FHOD3: variants seen among roughly 807,000 people sequenced by gnomAD.
The protein encoded by FHOD3 is FH1/FH2 domain-containing protein 3.
FHOD3 carries 90 observed loss-of-function variants against 173.0 expected under a neutral mutation model. The ratio of observed to expected loss-of-function variants is 0.52; its 90% CI spans 0.44 to 0.62. The LOEUF is 0.62. FHOD3 is among the 20% of genes least tolerant of loss of function. The probability of loss-of-function intolerance (pLI) is 0.00; values close to 1 mark genes in which losing one functional copy is unlikely to be tolerated. For missense variants in FHOD3, 1,945 were observed against 2,034.7 expected (o/e 0.96, Z 0.85); for synonymous variants, 828 against 823.0 (o/e 1.01, Z -0.10).
chr18:36,724,963 C>A (rs2040982495), intron 19 of FHOD3, among the ~76,000 whole-genome samples: 1 of 152,246 alleles, frequency 6.6e-6, no homozygotes, highest in African/African-American at 2.4e-5. Context: ...AAGCAAGGTC[C>A]TCTCTTTCCT....
intron 3 of FHOD3, among the ~76,000 whole-genome samples, chr18:36,437,665 CTT>C (rs1555704498): frequency 2.2e-4 from 15 of 69,424 alleles, no homozygotes; most frequent in Admixed American, 7.3e-4. Flanking sequence ...TTCTTTCTTT[CTT>C]TTTTTTTTTT....
chr18:36,673,517 A>C (rs571008202), intron 14 of FHOD3, among the ~76,000 whole-genome samples: 1 of 152,278 alleles, frequency 6.6e-6, no homozygotes, highest in African/African-American at 2.4e-5. Context: ...TGAGTAAAGT[A>C]TTCCTAATCA....
chr18:36,482,664 G>A (rs1205899188), intron 3 of FHOD3, among the ~76,000 whole-genome samples: 2 of 152,032 alleles, frequency 1.3e-5, no homozygotes, highest in African/African-American at 4.8e-5. Flanking sequence ...AGGACTTTTT[G>A]GTTTGTCCTG....
At position 36,728,775 on chromosome 18, in the gene FHOD3, T is replaced by G. The variant is rs73949883; in HGVS notation, c.3418-1871T>G. ...AGCAGAACAGTTTCTCTAGATGGCT[T>G]GGCTGCTCCCAGCCCTAGCCAGGGC... is the stretch of plus-strand genomic sequence containing the variant. On this transcript the variant is annotated intron_variant, in intron 19 of 28. Coordinates refer to ENST00000590592, the MANE Select transcript of FHOD3 (RefSeq NM_001281740.3). Among the ~76,000 whole-genome samples the G allele has an allele frequency of 6.6e-3, 1,002 of 152,270 alleles. 12 individuals are homozygous for G. Among genetic ancestry groups the G allele is most frequent in the African/African-American group, 0.023 (941 of 41,542 alleles).
chr18:36,540,478 G>A (rs1477464721), intron 5 of FHOD3, among the ~76,000 whole-genome samples: 1 of 152,140 alleles, frequency 6.6e-6, no homozygotes, highest in African/African-American at 2.4e-5. Flanking sequence ...AATGCTCATG[G>A]TGCCAAATGC....
At chr18:36,433,480 G>A (rs1321980006) in intron 3 of FHOD3, among the ~76,000 whole-genome samples, 1 of 152,222 alleles carries the variant, frequency 6.6e-6, no homozygotes, top group Middle Eastern at 3.4e-3. Context: ...AAGAAAATAG[G>A]TTAACAAATT....
chr18:36,350,779 G>C (rs1284504402), intron 1 of FHOD3, among the ~76,000 whole-genome samples: 1 of 152,126 alleles, frequency 6.6e-6, no homozygotes, highest in Non-Finnish European at 1.5e-5. Context: ...AACTGGATTT[G>C]AATTAATCAC....
intron 10 of FHOD3, among the ~76,000 whole-genome samples, chr18:36,634,858 A>T (rs758105106): frequency 3.9e-5 from 6 of 152,242 alleles, no homozygotes; most frequent in Non-Finnish European, 8.8e-5. Flanking sequence ...ATGGACGTGA[A>T]TTGGAGAAAA....
intron 17 of FHOD3, among the ~76,000 whole-genome samples, chr18:36,697,631 G>C (rs2039359638): frequency 6.6e-6 from 1 of 152,012 alleles, no homozygotes; most frequent in Non-Finnish European, 1.5e-5. Flanking sequence ...TGATTGTTTG[G>C]CCCTGGGGAT....
intron 1 of FHOD3, among the ~76,000 whole-genome samples, chr18:36,322,368 C>A (rs919890880): frequency 6.6e-6 from 1 of 152,244 alleles, no homozygotes; most frequent in East Asian, 1.9e-4. Context: ...GAGGAACATT[C>A]TTGGGGATCT....
In FHOD3 at chr18:36,548,537, A is replaced by G. The variant is rs145991320; in HGVS notation, c.512-27914A>G. Among the ~76,000 whole-genome samples the G allele has an allele frequency of 5.9e-5, 9 of 152,344 alleles. No individual in the cohort carries two copies. The East Asian group carries it at 1.7e-3, about 29-fold the overall frequency. On this transcript the variant is annotated intron_variant, in intron 5 of 28. Transcript: ENST00000590592. ...TCATCACAACCAAGATAGTGGCTGC[A>G]TCCAGTACTCCAGAAAGTCTGCTTC...
chr18:36,572,269 T>C (rs1230548076), intron 5 of FHOD3, among the ~76,000 whole-genome samples: 1 of 152,204 alleles, frequency 6.6e-6, no homozygotes. Context: ...ACATTCTTCT[T>C]GAAAACACAA....
At chr18:36,516,484 A>ATAG (rs2146445994) in intron 5 of FHOD3, among the ~76,000 whole-genome samples, 1 of 152,286 alleles carries the variant, frequency 6.6e-6, no homozygotes, top group South Asian at 2.1e-4. Context: ...GGGCCTGTGT[A>ATAG]TAGTAGCCCA....
intron 19 of FHOD3, among the ~76,000 whole-genome samples, chr18:36,723,800 C>T (rs1415860614): frequency 2.6e-5 from 4 of 152,184 alleles, no homozygotes; most frequent in Non-Finnish European, 5.9e-5. Context: ...TCCTCTGATA[C>T]TAGTAAAATA....
rs142900451 is a variant in FHOD3 at position 36,754,976 on chromosome 18, TTTA to T, written c.4233-104_4233-102del. ...ACTGAGAGTGTGGCTTGTTGGTTTC[TTTA>T]TTATTATTATTATTATTATTATTAT... On this transcript the variant is annotated intron_variant, in intron 24 of 28. Transcript: ENST00000590592. 9,787 of 167,946 alleles carry T rather than the reference TTTA, an allele frequency of 0.058. 302 individuals are homozygous for T. The highest frequency in any genetic ancestry group is 0.098 in the East Asian group (573 of 5,832). 10.4% of individuals were successfully genotyped at this position (167,946 alleles called of 1,614,324 possible). A position where few individuals can be genotyped will look rare whatever the true frequency, so the allele number is the denominator to read the frequency against.
intron 3 of FHOD3, among the ~76,000 whole-genome samples, chr18:36,380,901 C>G (rs2047749610): frequency 1.3e-5 from 2 of 152,098 alleles, no homozygotes; most frequent in African/African-American, 4.8e-5. Flanking sequence ...CTTGCCACCC[C>G]TCCTGAGCCA....
At chr18:36,426,485 G>C (rs1156949849) in intron 3 of FHOD3, among the ~76,000 whole-genome samples, 3 of 152,136 alleles carry the variant, frequency 2.0e-5, no homozygotes, top group Admixed American at 2.0e-4. Context: ...CCATGAGATT[G>C]GTGCACAAGT....
intron 5 of FHOD3, among the ~76,000 whole-genome samples, chr18:36,568,633 C>T (rs948382503): frequency 3.9e-5 from 6 of 152,070 alleles, no homozygotes; most frequent in Admixed American, 1.3e-4. Flanking sequence ...CCAAATGGCA[C>T]GGCAAGGGCT....
At chr18:36,579,996 T>C (rs1031579340) in intron 6 of FHOD3, among the ~76,000 whole-genome samples, 1 of 150,974 alleles carries the variant, frequency 6.6e-6, no homozygotes, top group African/African-American at 2.4e-5. Context: ...GAGTCTCTGA[T>C]GTGGCAACAG....
Sources: allele counts gnomAD v4.1 joint callset (sites outside exome capture counted in the v4.1 genomes callset), GRCh38; gene constraint gnomAD v4.1.1; transcripts MANE v1.5; gene names NCBI Gene and HGNC (gene_info 2026-07-23, HGNC 2026-07-21).